The following PRKACA variants were observed in gnomAD, a reference collection of about 807,000 sequenced individuals.
The protein encoded by PRKACA is cAMP-dependent protein kinase catalytic subunit alpha.
A neutral mutation model predicts 45.8 loss-of-function variants in PRKACA; 9 were observed. That is an observed-to-expected ratio of 0.20 (90% CI 0.12 to 0.34). PRKACA has a LOEUF of 0.34. Among genes scored for constraint, PRKACA ranks in the 10% least tolerant of loss-of-function variants. PRKACA has a pLI of 1.00. For missense variants in PRKACA, 238 were observed against 458.6 expected (o/e 0.52, Z 4.39); for synonymous variants, 160 against 178.6 (o/e 0.90, Z 0.83).
intron 4 of PRKACA, 102 bp downstream of exon 4, chr19:14,102,714 G>C: frequency 1.0e-6 from 1 of 980,534 alleles, no homozygotes; most frequent in Non-Finnish European, 1.6e-6. Context: ...TTCCACAAAA[G>C]AGAGCAGCCA....
rs1310296855 is a variant in PRKACA at position 14,117,724 on chromosome 19, G to C, written c.-177C>G. ...TTCCCGCGTCTCTCCGCGCCCGCCC[G>C]CCCGGGAACCTCAGCCCAAGATCTC... On this transcript the variant is annotated 5_prime_UTR_variant, in exon 1 of 10. Coordinates refer to ENST00000308677, the MANE Select transcript of PRKACA (RefSeq NM_002730.4). 5.4e-6 allele frequency: 1 copy of C among 185,524 alleles called. No homozygotes were observed. Among genetic ancestry groups the C allele is most frequent in the Non-Finnish European group, 1.0e-5 (1 of 99,286 alleles). 11.5% of individuals were successfully genotyped at this position (185,524 alleles called of 1,614,324 possible). A position where few individuals can be genotyped will look rare whatever the true frequency, so the allele number is the denominator to read the frequency against.
chr19:14,099,431 G>A (rs1977375634), intron 5 of PRKACA, among the ~76,000 whole-genome samples: 1 of 151,666 alleles, frequency 6.6e-6, no homozygotes, highest in Non-Finnish European at 1.5e-5. Flanking sequence ...CGTGATCACG[G>A]CTTATGCAGT....
chr19:14,097,697 T>C lies in PRKACA; in HGVS notation c.547-23A>G, dbSNP rs373852206. ...CACCTGTGGGCACAAGAACAGGCAGTTGGCAGGGAGGAAGGGTCCAGGCCA... is the reference window on the plus strand; with the variant it reads ...CACCTGTGGGCACAAGAACAGGCAGCTGGCAGGGAGGAAGGGTCCAGGCCA... On this transcript the variant is annotated intron_variant, in intron 6 of 9. Transcript: ENST00000308677. This position sits in a 1 kb window ranked among gnomAD's most constrained non-coding sequence, Gnocchi z 5.4. The C allele has an allele frequency of 3.5e-5, 57 of 1,611,522 alleles. No homozygotes were observed. Among genetic ancestry groups the C allele is most frequent in the Admixed American group, 8.3e-5 (5 of 59,892 alleles).
In PRKACA at chr19:14,097,198, G is replaced by A; in HGVS notation, c.765+163C>T. On this transcript the variant is annotated intron_variant, in intron 8 of 9. Transcript: ENST00000308677. This position sits in a 1 kb window ranked among gnomAD's most constrained non-coding sequence, Gnocchi z 5.4. ...GGGCTGGACAGCAAGGGGGCTTGAG[G>A]TGTTGGCCTCAGTGTGGCCGGCGCG... 1.9e-6 allele frequency: 2 copies of A among 1,065,400 alleles called. No individual in the cohort carries two copies. Among genetic ancestry groups the A allele is most frequent in the Non-Finnish European group, 2.8e-6 (2 of 725,478 alleles). The allele number at this position is 1,065,400 out of a possible 1,614,324, so 66.0% of individuals were successfully genotyped here. A position where few individuals can be genotyped will look rare whatever the true frequency, so the allele number is the denominator to read the frequency against.
At chr19:14,095,595 T>A (rs757883365) in intron 8 of PRKACA, among the ~76,000 whole-genome samples, 7 of 152,066 alleles carry the variant, frequency 4.6e-5, no homozygotes, top group African/African-American at 7.2e-5. Flanking sequence ...CTCGGCTCAC[T>A]ACAACCTCTG....
chr19:14,109,995 T>TAC (rs1259209997), intron 1 of PRKACA, among the ~76,000 whole-genome samples: 5 of 79,626 alleles, frequency 6.3e-5, no homozygotes, highest in Non-Finnish European at 8.8e-5. Context: ...TATATATATA[T>TAC]ATATACACAC....
rs777513827 is a variant in PRKACA at position 14,093,070 on chromosome 19, GAAAA to G, written c.*38_*41del. On this transcript the variant is annotated 3_prime_UTR_variant, in exon 10 of 10. Coordinates refer to ENST00000308677, the MANE Select transcript of PRKACA (RefSeq NM_002730.4). Reference sequence around the variant, plus strand: ...CTCCCACCCCCCCGACCAAAAAAAAGAAAAAAGAAAAAAGAAAACCCATGGGGGC... The same window carrying G: ...CTCCCACCCCCCCGACCAAAAAAAAGAAGAAAAAAGAAAACCCATGGGGGC... The G allele has an allele frequency of 2.9e-5, 9 of 309,500 alleles. No individual in the cohort carries two copies. Among genetic ancestry groups the G allele is most frequent in the Non-Finnish European group, 3.8e-5 (9 of 238,856 alleles). The allele number at this position is 309,500 out of a possible 1,614,324, so 19.2% of individuals were successfully genotyped here.
chr19:14,113,999 G>A, intron 1 of PRKACA: 1 of 981,148 alleles, frequency 1.0e-6, no homozygotes, highest in Non-Finnish European at 1.6e-6. Context: ...CTGTACAGGA[G>A]GCGTTTCCAG....
rs549803690 is a variant in PRKACA at position 14,093,928 on chromosome 19, A to C, written c.766-136T>G. 2.5e-5 allele frequency: 22 copies of C among 865,344 alleles called. No individual in the cohort carries two copies. In the African/African-American group the frequency reaches 2.7e-4, roughly 11 times the overall value. 53.6% of individuals were successfully genotyped at this position (865,344 alleles called of 1,614,324 possible). On this transcript the variant is annotated intron_variant, in intron 8 of 9. Transcript: ENST00000308677. ...AGTGCCTGCCAGCATCTTGTAAAAC[A>C]GCTCCTTGAGCCTACCCTACAGTTT... is the stretch of plus-strand genomic sequence containing the variant.
At chr19:14,094,185 GAAAAAAAAAAAAAAAAAA>G (rs940405502) in intron 8 of PRKACA, among the ~76,000 whole-genome samples, 1 of 58,916 alleles carries the variant, frequency 1.7e-5, no homozygotes, top group Non-Finnish European at 3.2e-5. Context: ...TTCTTTTTTT[GAAAAAAAAAAAAAAAAAA>G]AAAAAAAAAT....
intron 1 of PRKACA, among the ~76,000 whole-genome samples, chr19:14,114,442 C>T (rs1215379310): frequency 6.6e-6 from 1 of 152,062 alleles, no homozygotes; most frequent in East Asian, 1.9e-4. Context: ...GGTGTTTGGC[C>T]GTCTTAGGCA....
intron 3 of PRKACA, among the ~76,000 whole-genome samples, chr19:14,104,915 G>A (rs1435943335): frequency 2.0e-5 from 3 of 151,958 alleles, no homozygotes; most frequent in Non-Finnish European, 4.4e-5. Context: ...TTAAACTCTT[G>A]ATGCAGGTAC....
chr19:14,091,757 G>A lies in PRKACA; in HGVS notation c.*1355C>T, dbSNP rs1977073230. 2 of 152,466 alleles carry A rather than the reference G, an allele frequency of 1.3e-5. No homozygotes were observed. Among genetic ancestry groups the A allele is most frequent in the African/African-American group, 2.4e-5 (1 of 41,402 alleles). 9.4% of individuals were successfully genotyped at this position (152,466 alleles called of 1,614,324 possible). A position where few individuals can be genotyped will look rare whatever the true frequency, so the allele number is the denominator to read the frequency against. On this transcript the variant is annotated 3_prime_UTR_variant, in exon 10 of 10. Transcript: ENST00000308677. The stretch of plus-strand genomic sequence containing the variant: ...TTTACAACAGCACACTGTTCAAGAG[G>A]AAGTCTCGTCCTTCGCAGCACACAG...
rs751891973 is a variant in PRKACA at position 14,091,858 on chromosome 19, A to G, written c.*1254T>C. 8 of 152,346 alleles carry G rather than the reference A, an allele frequency of 5.3e-5. No individual in the cohort carries two copies. The highest frequency in any genetic ancestry group is 1.0e-4 in the Non-Finnish European group (7 of 68,032). The allele number at this position is 152,346 out of a possible 1,614,324, so 9.4% of individuals were successfully genotyped here. On this transcript the variant is annotated 3_prime_UTR_variant, in exon 10 of 10. Transcript: ENST00000308677. ...CCTCCTGGGATGGGGAGAAGTTATG[A>G]GAGGGGGAAATACGGGGATGAATGG...
Position 14,092,368 on chromosome 19 carries a change from G to A in PRKACA, c.*744C>T, listed in dbSNP as rs1342948058. 7 of 351,280 alleles carry A rather than the reference G, an allele frequency of 2.0e-5. No homozygotes were observed. Among genetic ancestry groups the A allele is most frequent in the African/African-American group, 8.4e-5 (4 of 47,646 alleles). The allele number at this position is 351,280 out of a possible 1,614,324, so 21.8% of individuals were successfully genotyped here. On this transcript the variant is annotated 3_prime_UTR_variant, in exon 10 of 10. Coordinates refer to ENST00000308677, the MANE Select transcript of PRKACA (RefSeq NM_002730.4). ...GCTTCCTAAAGGGGCCTAGACCCTC[G>A]CAGGATTGGCAGAGAGGATTCCCCG...
At chr19:14,095,100 A>G (rs957702287) in intron 8 of PRKACA, among the ~76,000 whole-genome samples, 32 of 152,054 alleles carry the variant, frequency 2.1e-4, no homozygotes, top group African/African-American at 7.7e-4. Flanking sequence ...AGTCATGTGC[A>G]TCTTCTCCTG....
Position 14,093,792 on chromosome 19 carries a change from C to T in PRKACA, c.766G>A (p.Val256Met). The change falls in exon 9 of 10, where the codon GTG (valine) becomes ATG (methionine). Residue 256 changes from valine (V) to methionine (M), a missense_variant and splice_region_variant. By Grantham distance (21) the Val-to-Met change is conservative. Around this residue, in one of 3 missense-constraint regions of PRKACA, gnomAD observed 94 missense variants for 240.9 expected, o/e 0.39. Transcript: ENST00000308677. Reference sequence around the variant, plus strand: ...GAGCTGAAGTGGGAAGGGAAGCGCACCTGGAGGAAGGGGTACAAGGACAGG... The same window carrying T: ...GAGCTGAAGTGGGAAGGGAAGCGCATCTGGAGGAAGGGGTACAAGGACAGG... ...QIYEKIVSGK[V>M]RFPSHFSSDL... The T allele has an allele frequency of 1.9e-6, 3 of 1,611,404 alleles. No individual in the cohort carries two copies. Among genetic ancestry groups the T allele is most frequent in the Non-Finnish European group, 2.5e-6 (3 of 1,178,742 alleles).
In PRKACA at chr19:14,093,043, C is replaced by CGGG; in HGVS notation, c.*68_*69insCCC. 1 of 114,302 alleles carries CGGG rather than the reference C, an allele frequency of 8.7e-6. No individual in the cohort carries two copies. Among genetic ancestry groups the CGGG allele is most frequent in the Non-Finnish European group, 1.7e-5 (1 of 58,266 alleles). 7.1% of individuals were successfully genotyped at this position (114,302 alleles called of 1,614,324 possible). The stretch of plus-strand genomic sequence containing the variant: ...GGGGCCCTCTGGCTGTTCAATCCAA[C>CGGG]CCTCCCACCCCCCCGACCAAAAAAA... On this transcript the variant is annotated 3_prime_UTR_variant, in exon 10 of 10. Transcript: ENST00000308677.
At chr19:14,103,050 C>T (rs921358391) in intron 3 of PRKACA, 136 bp from the exon 4 acceptor site, 2 of 719,664 alleles carry the variant, frequency 2.8e-6, no homozygotes, top group Non-Finnish European at 5.0e-6. Flanking sequence ...TGTGGCCTGT[C>T]GGGCCCTTAG....
Sources: gnomAD v4.1 joint callset for allele counts (sites outside exome capture counted in the v4.1 genomes callset) on GRCh38, gnomAD v4.1.1 for gene constraint, gnomAD v4.1.1 regional missense constraint, Gnocchi (gnomAD v3.1) non-coding constraint, MANE v1.5 for transcripts, NCBI Gene and HGNC (gene_info 2026-07-23, HGNC 2026-07-21) for gene names.